DCHS2: variants seen among roughly 807,000 people sequenced by gnomAD.
The protein encoded by DCHS2 is dachsous cadherin-related 2, also known as protocadherin-23.
A neutral mutation model predicts 182.4 loss-of-function variants in DCHS2; 142 were observed. That is an observed-to-expected ratio of 0.78 (90% CI 0.68 to 0.89). The LOEUF (loss-of-function observed/expected upper bound fraction) is 0.89, where lower values mean the gene tolerates loss of function less well. Among genes scored for constraint, DCHS2 ranks in the 40% least tolerant of loss-of-function variants. DCHS2 has a pLI of 0.00. For missense variants in DCHS2, 4,319 were observed against 4,198.6 expected, an observed-to-expected ratio of 1.03 and a Z score of -0.79; for synonymous variants, 1,740 against 1,663.3, an observed-to-expected ratio of 1.05 and a Z score of -1.12.
At chr4:154,265,661 T>A (rs1200539723) in intron 14 of DCHS2, among the ~76,000 whole-genome samples, 1 of 152,020 alleles carries the variant, frequency 6.6e-6, no homozygotes, top group Non-Finnish European at 1.5e-5. Context: ...TTCAAGTTAC[T>A]AATTATCTCT....
At chr4:154,457,776 G>T (rs561198813) in intron 1 of DCHS2, among the ~76,000 whole-genome samples, 1 of 152,198 alleles carries the variant, frequency 6.6e-6, no homozygotes, top group South Asian at 2.1e-4. Context: ...TCTCTCCCCC[G>T]CCTCTTTCTA....
At chr4:154,266,655 CA>C (rs34664853) in intron 14 of DCHS2, among the ~76,000 whole-genome samples, 68,829 of 136,896 alleles carry the variant, frequency 0.5, 17,601 homozygotes, top group African/African-American at 0.68. Context: ...GGCTCCGTCT[CA>C]AAAAAAAAAA....
At chr4:154,307,446 CA>C (rs1735489500) in intron 10 of DCHS2, among the ~76,000 whole-genome samples, 1 of 148,746 alleles carries the variant, frequency 6.7e-6, no homozygotes, top group African/African-American at 2.5e-5. Flanking sequence ...CGCGCGCACA[CA>C]CACACACACA....
intron 3 of DCHS2, among the ~76,000 whole-genome samples, chr4:154,364,331 G>C (rs888190182): frequency 2.0e-5 from 3 of 152,194 alleles, no homozygotes; most frequent in Admixed American, 2.0e-4. Context: ...AATGACGAGT[G>C]TGTGAATGTC....
At chr4:154,303,271 C>T (rs67518652) in intron 12 of DCHS2, among the ~76,000 whole-genome samples, 4,195 of 152,030 alleles carry the variant, frequency 0.028, 289 homozygotes, top group Admixed American at 0.16. Context: ...CATGACCCAC[C>T]GTACCTGGAC....
At chr4:154,325,724 C>T (rs1054858029) in intron 7 of DCHS2, among the ~76,000 whole-genome samples, 17 of 152,070 alleles carry the variant, frequency 1.1e-4, no homozygotes, top group Non-Finnish European at 2.2e-4. Context: ...TTCAAGTGTC[C>T]TGAGAACTTG....
chr4:154,319,144 C>G (rs1175285872), intron 9 of DCHS2, among the ~76,000 whole-genome samples: 1 of 151,934 alleles, frequency 6.6e-6, no homozygotes, highest in Non-Finnish European at 1.5e-5. Context: ...TATCCACATG[C>G]AAAAGAATGA....
chr4:154,396,166 T>G (rs183335430), intron 1 of DCHS2, among the ~76,000 whole-genome samples: 1 of 152,116 alleles, frequency 6.6e-6, no homozygotes, highest in Non-Finnish European at 1.5e-5. Flanking sequence ...AAGTCTTATG[T>G]CTTCCTTGTT....
intron 1 of DCHS2, among the ~76,000 whole-genome samples, chr4:154,403,966 C>A (rs185088428): frequency 6.6e-6 from 1 of 151,814 alleles, no homozygotes; most frequent in African/African-American, 2.4e-5. Flanking sequence ...ACTTATCTTC[C>A]CTCTCTTTTT....
At chr4:154,467,000 G>C (rs944013710) in intron 1 of DCHS2, among the ~76,000 whole-genome samples, 1 of 152,114 alleles carries the variant, frequency 6.6e-6, no homozygotes, top group African/African-American at 2.4e-5. Context: ...AACTTTCTCA[G>C]CATCTGGTAC....
chr4:154,279,250 T>TA (rs146509208), intron 13 of DCHS2, among the ~76,000 whole-genome samples: 1 of 150,802 alleles, frequency 6.6e-6, no homozygotes, highest in African/African-American at 2.4e-5. Context: ...CAAAAGGAAA[T>TA]AAAAAAATCA....
chr4:154,301,909 T>A (rs1413540303), intron 12 of DCHS2, among the ~76,000 whole-genome samples: 3 of 152,252 alleles, frequency 2.0e-5, no homozygotes, highest in Non-Finnish European at 4.4e-5. Context: ...CAACACAATT[T>A]TACTTTTTAT....
intron 1 of DCHS2, among the ~76,000 whole-genome samples, chr4:154,425,011 C>A (rs900557998): frequency 6.6e-6 from 1 of 152,178 alleles, no homozygotes. Context: ...GAGAAGACTG[C>A]ACTGCAGAAA....
At chr4:154,391,221 G>C in intron 1 of DCHS2, 1 of 1,613,706 alleles carries the variant, frequency 6.2e-7, no homozygotes, top group Non-Finnish European at 8.5e-7. Flanking sequence ...ACAGGCATCA[G>C]TACTTTCAAA....
chr4:154,378,865 T>C (rs796942061), intron 1 of DCHS2, among the ~76,000 whole-genome samples: 17 of 152,240 alleles, frequency 1.1e-4, no homozygotes, highest in African/African-American at 3.9e-4. Flanking sequence ...CTCCTGACCT[T>C]CCTCTGATGC....
In DCHS2 at chr4:154,366,283, C is replaced by T. The variant is rs1730351331; in HGVS notation, c.2403G>A (p.Gly801=). The T allele has an allele frequency of 6.2e-7, 1 of 1,613,624 alleles. No individual in the cohort carries two copies. Among genetic ancestry groups the T allele is most frequent in the Non-Finnish European group, 8.5e-7 (1 of 1,179,942 alleles). ...INVLATDQDS[G]IYGTVAYELI... is the part of the protein sequence containing the mutation. ...GCTCATAAGCCACTGTCCCATATAT[C>T]CCAGAGTCCTGGTCAGTGGCAAGAA... The change falls in exon 3 of 20, where the codon GGG becomes GGA. Residue 801 remains glycine (G), a synonymous_variant. Transcript: ENST00000357232.
At chr4:154,484,747 G>A (rs1449167914) in intron 1 of DCHS2, among the ~76,000 whole-genome samples, 1 of 152,142 alleles carries the variant, frequency 6.6e-6, no homozygotes, top group Non-Finnish European at 1.5e-5. Flanking sequence ...AATTTAAAAG[G>A]TGAGGGGACC....
intron 13 of DCHS2, among the ~76,000 whole-genome samples, chr4:154,286,457 A>G (rs1433368301): frequency 6.6e-6 from 1 of 152,070 alleles, no homozygotes; most frequent in East Asian, 1.9e-4. Flanking sequence ...GAATTTCAAG[A>G]TAACACAGAG....
intron 7 of DCHS2, 86 bp from the exon 8 acceptor site, chr4:154,322,574 G>A: frequency 7.1e-7 from 1 of 1,417,980 alleles, no homozygotes; most frequent in Non-Finnish European, 9.2e-7. Context: ...TCGATCATTT[G>A]GAAGATTTGT....
Sources: gnomAD v4.1 joint callset for allele counts (sites outside exome capture counted in the v4.1 genomes callset) on GRCh38, gnomAD v4.1.1 for gene constraint, MANE v1.5 for transcripts, NCBI Gene and HGNC (gene_info 2026-07-23, HGNC 2026-07-21) for gene names.